The following ETV6 variants were observed in gnomAD, a reference collection of about 807,000 sequenced individuals.
ETV6 encodes the protein transcription factor ETV6.
ETV6 carries 16 observed loss-of-function variants against 51.1 expected under a neutral mutation model. The ratio of observed to expected loss-of-function variants is 0.31; its 90% CI spans 0.21 to 0.48. The LOEUF (loss-of-function observed/expected upper bound fraction) is 0.48, where lower values mean the gene tolerates loss of function less well. Among genes scored for constraint, ETV6 ranks in the 20% least tolerant of loss-of-function variants. The pLI is 0.99. For synonymous variants in ETV6, 240 were observed against 224.1 expected (o/e 1.07, Z -0.64); for missense variants, 458 against 594.8 (o/e 0.77, Z 2.39).
chr12:11,711,784 A>G (rs117223802), intron 1 of ETV6, among the ~76,000 whole-genome samples: 395 of 152,314 alleles, frequency 2.6e-3, no homozygotes, highest in Non-Finnish European at 4.3e-3. Flanking sequence ...TTTGTACGTC[A>G]TTTCCTTGCT....
At position 11,727,631 on chromosome 12, in the gene ETV6, A is replaced by G. The variant is rs372409527; in HGVS notation, c.34-24819A>G. ...AGGCTTGATTAAAAGCGTGGGGGGA[A>G]TGGATCTGTGACGTACATGGTCATG... On this transcript the variant is annotated intron_variant, in intron 1 of 7. Transcript: ENST00000396373. Among the ~76,000 whole-genome samples, 10 of 152,112 alleles carry G rather than the reference A, an allele frequency of 6.6e-5. No individual in the cohort carries two copies. The South Asian group carries it at 1.0e-3, about 16-fold the overall frequency.
intron 5 of ETV6, among the ~76,000 whole-genome samples, chr12:11,878,049 G>A (rs182103680): frequency 1.1e-3 from 161 of 152,246 alleles, no homozygotes; most frequent in Non-Finnish European, 1.3e-3. Context: ...GGCCACCTCC[G>A]TTTTCTTATT....
chr12:11,858,649 G>A (rs1946667551), intron 4 of ETV6, among the ~76,000 whole-genome samples: 1 of 152,074 alleles, frequency 6.6e-6, no homozygotes, highest in Non-Finnish European at 1.5e-5. Flanking sequence ...CTCTTTAGTT[G>A]CATCCTGTCC....
At chr12:11,651,352 G>A (rs1863903214) in intron 1 of ETV6, among the ~76,000 whole-genome samples, 1 of 152,208 alleles carries the variant, frequency 6.6e-6, no homozygotes, top group Non-Finnish European at 1.5e-5. Flanking sequence ...TAGAGTCTGT[G>A]TAGGGGAAAC....
chr12:11,840,172 C>T (rs1946369157), intron 3 of ETV6, among the ~76,000 whole-genome samples: 1 of 152,148 alleles, frequency 6.6e-6, no homozygotes, highest in Non-Finnish European at 1.5e-5. Flanking sequence ...AAGCAGAGGT[C>T]TCCTCGGGCT....
At chr12:11,774,245 G>A (rs1251108528) in intron 2 of ETV6, among the ~76,000 whole-genome samples, 4 of 152,206 alleles carry the variant, frequency 2.6e-5, no homozygotes, top group East Asian at 1.9e-4. Context: ...TCAGGTCCAC[G>A]GTTGAGCAAT....
At chr12:11,837,132 G>A (rs944185661) in intron 2 of ETV6, among the ~76,000 whole-genome samples, 6 of 152,172 alleles carry the variant, frequency 3.9e-5, no homozygotes, top group Non-Finnish European at 7.3e-5. Flanking sequence ...ATTGGAGAGA[G>A]CTGGTACTTC....
intron 1 of ETV6, among the ~76,000 whole-genome samples, chr12:11,750,547 G>T (rs1866001998): frequency 6.6e-6 from 1 of 152,086 alleles, no homozygotes; most frequent in Non-Finnish European, 1.5e-5. Context: ...AGACCCTTTG[G>T]CTGCCCGATG....
chr12:11,744,090 C>G (rs560584831), intron 1 of ETV6, among the ~76,000 whole-genome samples: 1 of 152,292 alleles, frequency 6.6e-6, no homozygotes, highest in Admixed American at 6.5e-5. Flanking sequence ...CACCCCAGGT[C>G]CACTGTGAGG....
intron 2 of ETV6, among the ~76,000 whole-genome samples, chr12:11,763,113 C>T (rs1259520108): frequency 3.3e-5 from 5 of 152,170 alleles, no homozygotes; most frequent in Admixed American, 1.3e-4. Context: ...TGAACAAAGT[C>T]GGGGAGAAAA....
intron 2 of ETV6, among the ~76,000 whole-genome samples, chr12:11,759,247 A>G (rs1032256149): frequency 3.3e-5 from 5 of 151,864 alleles, no homozygotes; most frequent in African/African-American, 1.2e-4. Flanking sequence ...AGCTCTGTGT[A>G]CATTTAAGGC....
chr12:11,808,993 A>G (rs1437514306), intron 2 of ETV6, among the ~76,000 whole-genome samples: 4 of 152,040 alleles, frequency 2.6e-5, no homozygotes, highest in African/African-American at 9.7e-5. Context: ...GCAAAACCCT[A>G]TCTCTACAAA....
intron 1 of ETV6, among the ~76,000 whole-genome samples, chr12:11,692,233 G>A (rs1864780590): frequency 6.6e-6 from 1 of 152,106 alleles, no homozygotes; most frequent in African/African-American, 2.4e-5. Flanking sequence ...AGAGACCTGA[G>A]CTAGCATGCT....
rs555969088 is a variant in ETV6, at chr12:11,659,674, A to AG, written c.33+9514_33+9515insG. Among the ~76,000 whole-genome samples, 15 of 152,344 alleles carry AG rather than the reference A, an allele frequency of 9.8e-5. No homozygotes were observed. In the East Asian group the frequency reaches 2.9e-3, roughly 29 times the overall value. ...GACTCTAAAGCATTTCCTGGAAAAA[A>AG]TGAGCTACAGATAGAAGTAAGGCTC... On this transcript the variant is annotated intron_variant, in intron 1 of 7. Transcript: ENST00000396373.
intron 1 of ETV6, among the ~76,000 whole-genome samples, chr12:11,678,869 G>C (rs1864471594): frequency 6.6e-6 from 1 of 152,164 alleles, no homozygotes; most frequent in Non-Finnish European, 1.5e-5. Context: ...GAAAAAAAGG[G>C]AGTGACTGGT....
chr12:11,796,146 T>C (rs1384072303), intron 2 of ETV6, among the ~76,000 whole-genome samples: 1 of 151,468 alleles, frequency 6.6e-6, no homozygotes, highest in African/African-American at 2.4e-5. Flanking sequence ...CACCTCAGCC[T>C]CCAGTTCAGC....
intron 1 of ETV6, among the ~76,000 whole-genome samples, chr12:11,748,876 C>T (rs1865956727): frequency 6.6e-6 from 1 of 152,022 alleles, no homozygotes; most frequent in African/African-American, 2.4e-5. Flanking sequence ...CAACCCTACT[C>T]CATACTTCAT....
In ETV6 at chr12:11,738,230, C is replaced by CTCCCTCCT. The variant is rs146216907; in HGVS notation, c.34-14200_34-14193dup. Among the ~76,000 whole-genome samples, 230 of 146,722 alleles carry CTCCCTCCT rather than the reference C, an allele frequency of 1.6e-3. 1 individual carries two copies. The highest frequency in any genetic ancestry group is 5.5e-3 in the African/African-American group (216 of 39,564). On this transcript the variant is annotated intron_variant, in intron 1 of 7. Transcript: ENST00000396373. ...CTTCCTTCCTTCCTTCCTTCCCTCC[C>CTCCCTCCT]TCCCTCCTTCCCTCCTTCCCTCCTT...
chr12:11,706,023 C>G (rs1448849300), intron 1 of ETV6, among the ~76,000 whole-genome samples: 1 of 152,220 alleles, frequency 6.6e-6, no homozygotes, highest in African/African-American at 2.4e-5. Context: ...GTTTTCAAAT[C>G]TTTGGAGGGC....
Sources: gnomAD v4.1 joint callset for allele counts (sites outside exome capture counted in the v4.1 genomes callset) on GRCh38, gnomAD v4.1.1 for gene constraint, MANE v1.5 for transcripts, NCBI Gene and HGNC (gene_info 2026-07-23, HGNC 2026-07-21) for gene names.